MARCHF1: variants seen among roughly 807,000 people sequenced by gnomAD.
MARCHF1 encodes E3 ubiquitin-protein ligase MARCHF1.
In MARCHF1, 40 loss-of-function variants were observed where a neutral mutation model predicts 54.2. The observed-to-expected ratio is 0.74, with a 90% CI of 0.57 to 0.96. The LOEUF is 0.96. Ranked by LOEUF, MARCHF1 falls within the 40% of genes least tolerant of loss-of-function variation. MARCHF1 has a pLI of 0.00. For synonymous variants in MARCHF1, 236 were observed against 236.3 expected (o/e 1.00, Z 0.01); for missense variants, 586 against 656.5 (o/e 0.89, Z 1.17).
intron 1 of MARCHF1, among the ~76,000 whole-genome samples, chr4:164,177,319 T>C (rs1343483807): frequency 3.9e-5 from 6 of 152,022 alleles, no homozygotes; most frequent in Non-Finnish European, 5.9e-5. Flanking sequence ...TTGTAAATAA[T>C]AAGACCAAGA....
intron 2 of MARCHF1, among the ~76,000 whole-genome samples, chr4:164,096,899 T>G (rs1228643985): frequency 1.3e-5 from 2 of 152,184 alleles, no homozygotes; most frequent in African/African-American, 2.4e-5. Flanking sequence ...TAAGTGGTAC[T>G]ATTTTACTAT....
intron 5 of MARCHF1, among the ~76,000 whole-genome samples, chr4:163,680,857 T>C (rs1370349849): frequency 6.6e-6 from 1 of 152,074 alleles, no homozygotes; most frequent in Non-Finnish European, 1.5e-5. Context: ...TTCTATAATT[T>C]ATTATTGCTT....
chr4:163,754,055 G>A (rs1579258420), intron 4 of MARCHF1, among the ~76,000 whole-genome samples: 1 of 152,186 alleles, frequency 6.6e-6, no homozygotes, highest in East Asian at 1.9e-4. Context: ...TGACTGAAAG[G>A]CCCAGTGTTG....
At chr4:164,241,786 G>T (rs560373107) in intron 1 of MARCHF1, among the ~76,000 whole-genome samples, 1 of 151,996 alleles carries the variant, frequency 6.6e-6, no homozygotes, top group Non-Finnish European at 1.5e-5. Flanking sequence ...TGCGCGAGCC[G>T]AAGCAGGGCG....
intron 3 of MARCHF1, among the ~76,000 whole-genome samples, chr4:163,963,351 A>T (rs1752377314): frequency 6.6e-6 from 1 of 151,866 alleles, no homozygotes; most frequent in East Asian, 1.9e-4. Flanking sequence ...TTCTCGGCAG[A>T]CCATATTGGT....
At chr4:163,572,498 C>T (rs1180950736) in intron 8 of MARCHF1, among the ~76,000 whole-genome samples, 1 of 152,010 alleles carries the variant, frequency 6.6e-6, no homozygotes, top group African/African-American at 2.4e-5. Context: ...ACCTTCTGGC[C>T]TCCTAGTCAG....
intron 1 of MARCHF1, among the ~76,000 whole-genome samples, chr4:164,266,832 C>A (rs1156622897): frequency 6.6e-6 from 1 of 152,118 alleles, no homozygotes; most frequent in Non-Finnish European, 1.5e-5. Context: ...TTTAATAGAA[C>A]CAGTCACTAA....
intron 8 of MARCHF1, among the ~76,000 whole-genome samples, chr4:163,580,062 A>ATTATTTATTTATATAT (rs1740175369): frequency 6.9e-6 from 1 of 144,212 alleles, no homozygotes; most frequent in African/African-American, 2.6e-5. Context: ...AGCCTTATTT[A>ATTATTTATTTATATAT]TTATTTATTT....
At chr4:163,743,855 AT>A (rs1243800048) in intron 4 of MARCHF1, among the ~76,000 whole-genome samples, 2 of 152,168 alleles carry the variant, frequency 1.3e-5, no homozygotes, top group Non-Finnish European at 2.9e-5. Flanking sequence ...TCTTTCTTAG[AT>A]TTTAAAAAAT....
At chr4:164,379,978 G>GA (rs200540512) in intron 1 of MARCHF1, among the ~76,000 whole-genome samples, 12,891 of 138,704 alleles carry the variant, frequency 0.093, 1,062 homozygotes, top group East Asian at 0.29. Flanking sequence ...ACAACATGTT[G>GA]AAAAAAAAAA....
intron 9 of MARCHF1, among the ~76,000 whole-genome samples, chr4:163,544,781 T>C (rs1738840649): frequency 6.6e-6 from 1 of 152,222 alleles, no homozygotes. Flanking sequence ...TTCACAACAT[T>C]ACAAACTCAA....
chr4:163,775,793 G>T lies in MARCHF1; in HGVS notation c.112-74930C>A, dbSNP rs78956864. On this transcript the variant is annotated intron_variant, in intron 4 of 9. Coordinates refer to ENST00000514618, the MANE Select transcript of MARCHF1 (RefSeq NM_001394959.1). ...GAGTTGAGTGGATATAAAAAAAGGG[G>T]GAAAAAAGAGCAGACCAGAAATGTG... is the stretch of plus-strand genomic sequence containing the variant. 1.3e-3 allele frequency among the ~76,000 whole-genome samples: 198 copies of T among 152,148 alleles called. 2 individuals are homozygous for T. In the East Asian group the frequency reaches 0.032, roughly 24 times the overall value.
At chr4:164,374,181 A>G (rs1156287657) in intron 1 of MARCHF1, among the ~76,000 whole-genome samples, 2 of 152,198 alleles carry the variant, frequency 1.3e-5, no homozygotes, top group Non-Finnish European at 2.9e-5. Context: ...AATTTATTAC[A>G]ATTATACACT....
At chr4:164,094,742 C>A (rs986750107) in intron 2 of MARCHF1, among the ~76,000 whole-genome samples, 4 of 151,992 alleles carry the variant, frequency 2.6e-5, no homozygotes, top group Non-Finnish European at 5.9e-5. Flanking sequence ...GTGTTGTTTG[C>A]CACTGGATTG....
intron 3 of MARCHF1, among the ~76,000 whole-genome samples, chr4:163,974,710 C>T (rs1752615056): frequency 6.6e-6 from 1 of 152,114 alleles, no homozygotes; most frequent in African/African-American, 2.4e-5. Context: ...AAAACATCTG[C>T]CCTGGCTTTG....
chr4:163,992,039 C>T (rs1752975998), intron 2 of MARCHF1, among the ~76,000 whole-genome samples: 1 of 103,180 alleles, frequency 9.7e-6, no homozygotes, highest in Admixed American at 1.5e-4. Context: ...TAGCATAAGA[C>T]CAGCTTGATC....
At chr4:164,200,047 C>T (rs569578867) in intron 1 of MARCHF1, among the ~76,000 whole-genome samples, 3 of 152,154 alleles carry the variant, frequency 2.0e-5, no homozygotes, top group African/African-American at 7.2e-5. Context: ...CTTTAAGCAC[C>T]ATTTAAGATA....
At chr4:164,010,234 T>A (rs1329511865) in intron 2 of MARCHF1, among the ~76,000 whole-genome samples, 16 of 151,490 alleles carry the variant, frequency 1.1e-4, no homozygotes, top group African/African-American at 3.4e-4. Context: ...GCTCAGCGTT[T>A]TTTTTTGTTG....
At chr4:164,202,741 A>G (rs939619495) in intron 1 of MARCHF1, among the ~76,000 whole-genome samples, 3 of 152,204 alleles carry the variant, frequency 2.0e-5, no homozygotes, top group Admixed American at 1.3e-4. Context: ...AATGGTAGTC[A>G]TAGTTCTCGA....
Sources: allele counts gnomAD v4.1 joint callset (sites outside exome capture counted in the v4.1 genomes callset), GRCh38; gene constraint gnomAD v4.1.1; transcripts MANE v1.5; gene names NCBI Gene and HGNC (gene_info 2026-07-23, HGNC 2026-07-21).